The following USP47 variants were observed in gnomAD, a reference collection of about 807,000 sequenced individuals.
USP47 encodes the protein ubiquitin specific peptidase 47.
USP47 carries 35 observed loss-of-function variants against 165.1 expected under a neutral mutation model. The ratio of observed to expected loss-of-function variants is 0.21; its 90% confidence interval spans 0.16 to 0.28. The LOEUF (loss-of-function observed/expected upper bound fraction) is 0.28. Ranked by LOEUF, USP47 falls within the 10% of genes least tolerant of loss-of-function variation. The pLI is 1.00. For missense variants in USP47, 1,277 were observed against 1,607.4 expected (o/e 0.79, Z 3.52); for synonymous variants, 531 against 544.5 (o/e 0.98, Z 0.35).
chr11:11,908,378 A>G (rs962067834), intron 8 of USP47, among the ~76,000 whole-genome samples: 2 of 151,968 alleles, frequency 1.3e-5, no homozygotes, highest in Non-Finnish European at 2.9e-5. Context: ...GCCTCTAGCA[A>G]TCCTCCTGTC....
chr11:11,915,663 T>A lies in USP47; in HGVS notation c.970-4493T>A, dbSNP rs536483428. Reference sequence around the variant, plus strand: ...GATTGCATATGAATTTACAATTATCTCAAAAGTTTCAATGAAAAAAAAAGT... The same window carrying A: ...GATTGCATATGAATTTACAATTATCACAAAAGTTTCAATGAAAAAAAAAGT... On this transcript the variant is annotated intron_variant, in intron 8 of 27. Coordinates refer to ENST00000527733, the MANE Select transcript of USP47 (RefSeq NM_001282659.2). Among the ~76,000 whole-genome samples the A allele has an allele frequency of 7.8e-4, 119 of 152,188 alleles. 1 individual carries two copies. The highest frequency in any genetic ancestry group is 2.7e-3 in the African/African-American group (114 of 41,532).
intron 11 of USP47, among the ~76,000 whole-genome samples, chr11:11,927,599 A>G (rs1364422977): frequency 6.6e-6 from 1 of 152,114 alleles, no homozygotes; most frequent in Non-Finnish European, 1.5e-5. Flanking sequence ...ATCACTTTGG[A>G]CAAATCATTT....
intron 3 of USP47, among the ~76,000 whole-genome samples, chr11:11,888,981 G>A (rs1008179230): frequency 6.6e-6 from 1 of 152,048 alleles, no homozygotes; most frequent in Non-Finnish European, 1.5e-5. Flanking sequence ...TGCAGAAAAG[G>A]CCATCAGTAA....
chr11:11,920,058 C>A, intron 8 of USP47, 98 bp from the exon 9 acceptor site: 1 of 865,232 alleles, frequency 1.2e-6, no homozygotes, highest in Non-Finnish European at 1.6e-6. Context: ...TCTAACCATT[C>A]TACTTATAAC....
intron 1 of USP47, among the ~76,000 whole-genome samples, chr11:11,868,467 A>G (rs1849824930): frequency 6.6e-6 from 1 of 152,180 alleles, no homozygotes. Context: ...ACATGTATCA[A>G]TAGTTGGTTC....
intron 8 of USP47, among the ~76,000 whole-genome samples, chr11:11,915,085 G>C (rs962267044): frequency 2.0e-5 from 3 of 152,118 alleles, no homozygotes; most frequent in African/African-American, 7.2e-5. Flanking sequence ...GCCCATATCT[G>C]CTTCAGTAAG....
rs935580559 is a variant in USP47 at position 11,959,991 on chromosome 11, T to G, written c.*3816T>G. Among the ~76,000 whole-genome samples, 2 of 152,210 alleles carry G rather than the reference T, an allele frequency of 1.3e-5. No homozygotes were observed. The highest frequency in any genetic ancestry group is 4.8e-5 in the African/African-American group (2 of 41,452). On this transcript the variant is annotated 3_prime_UTR_variant, in exon 28 of 28. Coordinates refer to ENST00000527733, the MANE Select transcript of USP47 (RefSeq NM_001282659.2). ...GCTTGAAGAGTATAATTTATGGAGA[T>G]AAAAATACTCAATGCTTACATTTTT...
chr11:11,930,760 A>C lies in USP47; in HGVS notation c.1651+9A>C. The C allele has an allele frequency of 6.3e-7, 1 of 1,597,906 alleles. No individual in the cohort carries two copies. Among genetic ancestry groups the C allele is most frequent in the Non-Finnish European group, 8.5e-7 (1 of 1,173,084 alleles). On this transcript the variant is annotated intron_variant, in intron 14 of 27. Transcript: ENST00000527733. ...TCCAGCCAGAAATGCAAGTATGTTT[A>C]CCTACAGTTATTTGATTTTAATTTG...
chr11:11,894,173 C>T lies in USP47; in HGVS notation c.496+2067C>T, dbSNP rs567846456. 1.3e-4 allele frequency among the ~76,000 whole-genome samples: 20 copies of T among 152,148 alleles called. 1 individual carries two copies. The highest frequency in any genetic ancestry group is 8.3e-4 in the South Asian group (4 of 4,818). On this transcript the variant is annotated intron_variant, in intron 4 of 27. Transcript: ENST00000527733. ...GGGGTACTTGTTAAAAATGCAGGTT[C>T]CAGCCGGGCACAGTGGCTCACTGTT...
chr11:11,880,073 T>A, intron 1 of USP47, 104 bp from the exon 2 acceptor site: 1 of 773,252 alleles, frequency 1.3e-6, no homozygotes, highest in Non-Finnish European at 1.9e-6. Flanking sequence ...ATACTTAGTA[T>A]TTCCTGAGGT....
intron 8 of USP47, among the ~76,000 whole-genome samples, chr11:11,913,003 A>C (rs1340234489): frequency 2.0e-5 from 3 of 152,096 alleles, no homozygotes; most frequent in African/African-American, 7.2e-5. Context: ...AATTTCCTCA[A>C]CTTGATTAAA....
At chr11:11,955,248 GT>G in intron 27 of USP47, 84 bp downstream of exon 27, 1 of 1,508,160 alleles carries the variant, frequency 6.6e-7, no homozygotes. Context: ...TATCTTTACT[GT>G]TTTTATGATA....
chr11:11,906,490 C>G (rs1423102066), intron 8 of USP47, among the ~76,000 whole-genome samples: 1 of 152,044 alleles, frequency 6.6e-6, no homozygotes, highest in Admixed American at 6.6e-5. Context: ...TGATTGATTC[C>G]TTTTGATTTT....
In USP47 at chr11:11,866,567, G is replaced by A. The variant is rs190634131; in HGVS notation, c.40-13610G>A. Reference sequence around the variant, plus strand: ...TGGTAGTTTAGTAGAAATCAGGCATGTTTCACTGTCATCAGTCTAGGTGGC... The same window carrying A: ...TGGTAGTTTAGTAGAAATCAGGCATATTTCACTGTCATCAGTCTAGGTGGC... On this transcript the variant is annotated intron_variant, in intron 1 of 27. Coordinates refer to ENST00000527733, the MANE Select transcript of USP47 (RefSeq NM_001282659.2). Among the ~76,000 whole-genome samples the A allele has an allele frequency of 1.5e-4, 23 of 152,278 alleles. No individual in the cohort carries two copies. The East Asian group carries it at 3.3e-3, about 22-fold the overall frequency.
intron 8 of USP47, 41 bp from the exon 9 acceptor site, chr11:11,920,115 A>G (rs1399978829): frequency 7.1e-7 from 1 of 1,400,842 alleles, no homozygotes; most frequent in Non-Finnish European, 9.6e-7. Flanking sequence ...TCATTAATAT[A>G]ATATTTTAAG....
chr11:11,938,853 A>T (rs1055832852), intron 18 of USP47, among the ~76,000 whole-genome samples: 1 of 151,932 alleles, frequency 6.6e-6, no homozygotes, highest in Non-Finnish European at 1.5e-5. Flanking sequence ...GAAATGAGAG[A>T]AGGCATGGAT....
Position 11,920,008 on chromosome 11 carries a change from T to C in USP47, c.970-148T>C, listed in dbSNP as rs1853713430. On this transcript the variant is annotated intron_variant, in intron 8 of 27. Coordinates refer to ENST00000527733, the MANE Select transcript of USP47 (RefSeq NM_001282659.2). The stretch of plus-strand genomic sequence containing the variant: ...TTTTATAGTGATAATATTATTTTAC[T>C]GTTGATAATTTTCCTTGGTACATTT... 6 of 499,836 alleles carry C rather than the reference T, an allele frequency of 1.2e-5. No individual in the cohort carries two copies. In the East Asian group the frequency reaches 2.1e-4, roughly 18 times the overall value. 31.0% of individuals were successfully genotyped at this position (499,836 alleles called of 1,614,324 possible).
At chr11:11,910,008 C>T (rs1852847866) in intron 8 of USP47, among the ~76,000 whole-genome samples, 2 of 152,140 alleles carry the variant, frequency 1.3e-5, no homozygotes, top group Admixed American at 1.3e-4. Flanking sequence ...AATATGTAAG[C>T]ATCAGTTAAA....
rs560472169 is a variant in USP47, at chr11:11,913,930, C to T, written c.970-6226C>T. 5.3e-5 allele frequency among the ~76,000 whole-genome samples: 8 copies of T among 152,050 alleles called. No individual in the cohort carries two copies. In the South Asian group the frequency reaches 1.5e-3, roughly 28 times the overall value. On this transcript the variant is annotated intron_variant, in intron 8 of 27. Coordinates refer to ENST00000527733, the MANE Select transcript of USP47 (RefSeq NM_001282659.2). ...TGAAAAGAATAAATGGAGAAACATA[C>T]TGTACTTATTAATTGGAAGATTCAA...
Sources: allele counts gnomAD v4.1 joint callset (sites outside exome capture counted in the v4.1 genomes callset), GRCh38; gene constraint gnomAD v4.1.1; transcripts MANE v1.5; gene names NCBI Gene and HGNC (gene_info 2026-07-23, HGNC 2026-07-21).